DNAAF4: variants seen among roughly 807,000 people sequenced by gnomAD.
DNAAF4 encodes the protein dynein axonemal assembly factor 4.
A neutral mutation model predicts 51.8 loss-of-function variants in DNAAF4; 43 were observed. The observed-to-expected ratio is 0.83, with a 90% confidence interval of 0.65 to 1.07. DNAAF4 has a LOEUF of 1.07. Ranked by LOEUF, DNAAF4 falls within the 50% of genes least tolerant of loss-of-function variation. The pLI, the probability that DNAAF4 is intolerant of heterozygous loss-of-function variation, is 0.00. For missense variants in DNAAF4, 581 were observed against 493.0 expected, an observed-to-expected ratio of 1.18 and a Z score of -1.69; for synonymous variants, 194 against 165.6, an observed-to-expected ratio of 1.17 and a Z score of -1.32.
At chr15:55,430,902 T>C in intron 9 of DNAAF4, 123 bp from the exon 10 acceptor site, 1 of 722,068 alleles carries the variant, frequency 1.4e-6, no homozygotes, top group Non-Finnish European at 2.1e-6. Flanking sequence ...AAGTACCAAG[T>C]TTTAAATTAG....
intron 3 of DNAAF4, among the ~76,000 whole-genome samples, 166 bp downstream of exon 3, chr15:55,497,546 G>T (rs2058657008): frequency 1.3e-5 from 2 of 151,944 alleles, no homozygotes; most frequent in Non-Finnish European, 2.9e-5. Context: ...GTTGCAGTAA[G>T]CCGAGATCAT....
chr15:55,418,499 A>G lies in DNAAF4; in HGVS notation c.1048-366T>C, dbSNP rs200637258. ...TATCAGAGCAACTGGATTTTATCAAAATAACACTCTAAATACTGCACCTGA... is the reference window on the plus strand; with the variant it reads ...TATCAGAGCAACTGGATTTTATCAAGATAACACTCTAAATACTGCACCTGA... On this transcript the variant is annotated intron_variant, in intron 7 of 7. Coordinates refer to the DNAAF4 transcript ENST00000448430. 1.5e-4 allele frequency: 235 copies of G among 1,527,906 alleles called. 1 individual carries two copies. The Middle Eastern group carries it at 3.7e-3, about 24-fold the overall frequency. The allele number at this position is 1,527,906 out of a possible 1,614,324, so 94.6% of individuals were successfully genotyped here.
chr15:55,469,289 CAT>C (rs2058214616), intron 4 of DNAAF4, among the ~76,000 whole-genome samples: 1 of 150,252 alleles, frequency 6.7e-6, no homozygotes, highest in African/African-American at 2.4e-5. Flanking sequence ...GAGATAAAGC[CAT>C]TGCACTCAAA....
chr15:55,487,441 G>A (rs552794848), intron 4 of DNAAF4, among the ~76,000 whole-genome samples: 17 of 151,980 alleles, frequency 1.1e-4, no homozygotes, highest in South Asian at 2.1e-4. Flanking sequence ...GGACATAGAC[G>A]GGGACAAATA....
chr15:55,492,552 T>C (rs2058589125), intron 3 of DNAAF4, among the ~76,000 whole-genome samples: 1 of 152,172 alleles, frequency 6.6e-6, no homozygotes, highest in Admixed American at 6.5e-5. Flanking sequence ...ATATACTTTT[T>C]TTTTTTGAGC....
chr15:55,495,445 T>C (rs1039556453), intron 3 of DNAAF4, among the ~76,000 whole-genome samples: 13 of 152,092 alleles, frequency 8.5e-5, no homozygotes, highest in African/African-American at 3.1e-4. Context: ...TAAAAGAAAT[T>C]CCAGGCAGTA....
intron 1 of DNAAF4, among the ~76,000 whole-genome samples, chr15:55,503,470 A>G (rs1334498209): frequency 6.6e-6 from 1 of 152,134 alleles, no homozygotes; most frequent in Non-Finnish European, 1.5e-5. Flanking sequence ...AAACACAACA[A>G]AAAAAGATAA....
chr15:55,459,993 C>T (rs780839419), intron 5 of DNAAF4, among the ~76,000 whole-genome samples: 5 of 151,642 alleles, frequency 3.3e-5, no homozygotes, highest in East Asian at 1.9e-4. Flanking sequence ...TGAGCCACTG[C>T]GCCTAGCCAG....
intron 4 of DNAAF4, among the ~76,000 whole-genome samples, chr15:55,476,328 G>A (rs902237049): frequency 1.8e-4 from 27 of 151,934 alleles, no homozygotes; most frequent in African/African-American, 7.2e-5. Context: ...TGGCATGTGC[G>A]TGTAGTCCCA....
rs2057475432 is a variant in DNAAF4 at position 55,430,467 on chromosome 15, AAT to A, written c.*201_*202del. The A allele has an allele frequency of 9.2e-7, 1 of 1,085,584 alleles. No homozygotes were observed. Among genetic ancestry groups the A allele is most frequent in the Non-Finnish European group, 1.1e-6 (1 of 872,682 alleles). 67.2% of individuals were successfully genotyped at this position (1,085,584 alleles called of 1,614,324 possible). On this transcript the variant is annotated 3_prime_UTR_variant, in exon 10 of 10. Transcript: ENST00000321149. Reference sequence around the variant, plus strand: ...TTAATATGAAGAAATAAGGAATTAAAATAGATTCTTATTTAGATTTACTTATT... The same window carrying A: ...TTAATATGAAGAAATAAGGAATTAAAAGATTCTTATTTAGATTTACTTATT...
intron 1 of DNAAF4, among the ~76,000 whole-genome samples, chr15:55,500,821 C>T (rs891007757): frequency 6.6e-6 from 1 of 151,586 alleles, no homozygotes; most frequent in East Asian, 2.0e-4. Context: ...AGAGAAAGCT[C>T]GTTTCTACTA....
chr15:55,503,752 C>T lies in DNAAF4; in HGVS notation c.-256+4370G>A, dbSNP rs143264408. 2.7e-3 allele frequency among the ~76,000 whole-genome samples: 415 copies of T among 152,260 alleles called. 4 individuals carry two copies. The highest frequency in any genetic ancestry group is 9.7e-3 in the African/African-American group (403 of 41,546). On this transcript the variant is annotated intron_variant, in intron 1 of 9. Coordinates refer to ENST00000321149, the MANE Select transcript of DNAAF4 (RefSeq NM_130810.4). ...TTTCATGCTAAAAACTCTCAATAAA[C>T]TAGGTATTGTTGGAACGTATCTCAA...
At chr15:55,496,217 C>T (rs558299736) in intron 3 of DNAAF4, among the ~76,000 whole-genome samples, 5 of 152,108 alleles carry the variant, frequency 3.3e-5, no homozygotes, top group Non-Finnish European at 5.9e-5. Context: ...GGTGACTGAG[C>T]GAGACTCTGT....
chr15:55,480,747 T>C (rs2058398185), intron 4 of DNAAF4, among the ~76,000 whole-genome samples: 1 of 152,174 alleles, frequency 6.6e-6, no homozygotes. Flanking sequence ...TCCAAGGAGC[T>C]TTCAGACGGC....
chr15:55,491,681 ATAT>A lies in DNAAF4; in HGVS notation c.272-428_272-426del, dbSNP rs545114895. 5.4e-3 allele frequency among the ~76,000 whole-genome samples: 757 copies of A among 140,794 alleles called. 5 individuals carry two copies. The highest frequency in any genetic ancestry group is 0.016 in the African/African-American group (592 of 38,118). The allele number at this position is 140,794 out of a possible 152,430, so 92.4% of individuals were successfully genotyped here. ...TATATTATATATTATAGATAATATTATATTATTATATAATAATATTATATACTA... is the reference window on the plus strand; with the variant it reads ...TATATTATATATTATAGATAATATTATATTATATAATAATATTATATACTA... On this transcript the variant is annotated intron_variant, in intron 3 of 9. Coordinates refer to ENST00000321149, the MANE Select transcript of DNAAF4 (RefSeq NM_130810.4).
At chr15:55,466,837 C>T in intron 5 of DNAAF4, 93 bp downstream of exon 5, 2 of 1,471,346 alleles carry the variant, frequency 1.4e-6, no homozygotes, top group South Asian at 1.3e-5. Context: ...AAAACAGTAA[C>T]CTAATGCTGT....
chr15:55,501,355 C>T (rs1255297804), intron 1 of DNAAF4, among the ~76,000 whole-genome samples: 2 of 146,966 alleles, frequency 1.4e-5, no homozygotes, highest in Middle Eastern at 3.5e-3. Flanking sequence ...AGCCACTGTG[C>T]CTGGCAGGAT....
intron 7 of DNAAF4, among the ~76,000 whole-genome samples, chr15:55,419,280 A>AGTGG (rs2057367185): frequency 6.6e-6 from 1 of 151,954 alleles, no homozygotes; most frequent in Non-Finnish European, 1.5e-5. Flanking sequence ...GCTGGAATGC[A>AGTGG]GTGGCATGAT....
intron 5 of DNAAF4, among the ~76,000 whole-genome samples, chr15:55,459,245 C>T (rs1292367892): frequency 1.3e-5 from 2 of 152,044 alleles, no homozygotes; most frequent in Admixed American, 6.6e-5. Context: ...AGTTTTGTAT[C>T]CAGTGAAACT....
Sources: gnomAD v4.1 joint callset for allele counts (sites outside exome capture counted in the v4.1 genomes callset) on GRCh38, gnomAD v4.1.1 for gene constraint, MANE v1.5 for transcripts, NCBI Gene and HGNC (gene_info 2026-07-23, HGNC 2026-07-21) for gene names.